PRAG1: variants seen among roughly 807,000 people sequenced by gnomAD.
The protein encoded by PRAG1 is inactive tyrosine-protein kinase PRAG1.
PRAG1 carries 110 observed loss-of-function variants against 95.6 expected under a neutral mutation model. That is an observed-to-expected ratio of 1.15 (90% CI 0.99 to 1.35). The LOEUF (loss-of-function observed/expected upper bound fraction) is 1.35. Ranked by LOEUF, PRAG1 falls within the 40% of genes most tolerant of loss-of-function variation. The pLI is 0.00. For synonymous variants in PRAG1, 1,052 were observed against 819.4 expected, an observed-to-expected ratio of 1.28 and a Z score of -4.85; for missense variants, 2,554 against 1,864.7, an observed-to-expected ratio of 1.37 and a Z score of -6.81.
intron 5 of PRAG1, among the ~76,000 whole-genome samples, 183 bp downstream of exon 5, chr8:8,327,527 G>C (rs577644761): frequency 1.3e-5 from 2 of 152,240 alleles, no homozygotes; most frequent in South Asian, 2.1e-4. Flanking sequence ...CCAAGATTGT[G>C]CCACTGCACT....
At chr8:8,336,091 A>G (rs1392409612) in intron 4 of PRAG1, among the ~76,000 whole-genome samples, 3 of 152,198 alleles carry the variant, frequency 2.0e-5, no homozygotes, top group Non-Finnish European at 4.4e-5. Context: ...TATTCATGCA[A>G]GTGAGAATAT....
At chr8:8,339,106 G>C (rs1215998598) in intron 4 of PRAG1, among the ~76,000 whole-genome samples, 1 of 152,136 alleles carries the variant, frequency 6.6e-6, no homozygotes, top group Non-Finnish European at 1.5e-5. Flanking sequence ...AAAAGAGAGA[G>C]AGAGAGAGAG....
In PRAG1 at chr8:8,318,865, C is replaced by G. The variant is rs369009941; in HGVS notation, c.3510G>C (p.Pro1170=). The change falls in exon 6 of 6, where the codon CCG becomes CCC. Residue 1170 remains proline, a synonymous_variant. Transcript: ENST00000615670. The surrounding 1 kb of genome is among the most constrained non-coding windows in gnomAD (Gnocchi z 4.2). ...GCGCGGCGGCGGCGGGGGCGGGAGC[C>G]GGGGCGGGGGCGGGGGCGGGCCCGG... ...AGPGPAPAPA[P]APAPAAAAPP... is the part of the protein sequence containing the mutation. The G allele has an allele frequency of 3.7e-5, 37 of 998,742 alleles. No individual in the cohort carries two copies. Among genetic ancestry groups the G allele is most frequent in the Non-Finnish European group, 4.7e-5 (37 of 780,794 alleles). The allele number at this position is 998,742 out of a possible 1,614,324, so 61.9% of individuals were successfully genotyped here.
At chr8:8,372,958 T>C (rs1800259673) in intron 3 of PRAG1, among the ~76,000 whole-genome samples, 1 of 152,170 alleles carries the variant, frequency 6.6e-6, no homozygotes, top group African/African-American at 2.4e-5. Flanking sequence ...AGCAAGTCCT[T>C]TTTCTAGAGG....
intron 1 of PRAG1, among the ~76,000 whole-genome samples, chr8:8,382,606 G>A (rs1049363006): frequency 6.6e-6 from 1 of 152,196 alleles, no homozygotes; most frequent in Admixed American, 6.5e-5. Context: ...AGAGATTAAC[G>A]AAGAGCTATT....
At chr8:8,342,872 A>AAAAT (rs1799218328) in intron 3 of PRAG1, among the ~76,000 whole-genome samples, 1 of 152,186 alleles carries the variant, frequency 6.6e-6, no homozygotes, top group Non-Finnish European at 1.5e-5. Context: ...TAAGGGCTAA[A>AAAAT]AAATAGCAAT....
intron 4 of PRAG1, among the ~76,000 whole-genome samples, chr8:8,336,823 A>C (rs888579676): frequency 2.6e-5 from 4 of 152,126 alleles, no homozygotes; most frequent in Admixed American, 1.3e-4. Context: ...CACCTGTTTT[A>C]AAAATGTAAC....
chr8:8,371,290 T>A (rs1416949074), intron 3 of PRAG1, among the ~76,000 whole-genome samples: 1 of 151,858 alleles, frequency 6.6e-6, no homozygotes, highest in African/African-American at 2.4e-5. Context: ...AGGTGGAGTC[T>A]CGCTCTGTCG....
At chr8:8,363,871 T>C (rs558790426) in intron 3 of PRAG1, among the ~76,000 whole-genome samples, 2 of 152,326 alleles carry the variant, frequency 1.3e-5, no homozygotes, top group East Asian at 1.9e-4. Context: ...TTCATTCTCT[T>C]AGTTATTTCA....
chr8:8,330,868 TA>T (rs896777646), intron 4 of PRAG1, among the ~76,000 whole-genome samples: 6 of 151,762 alleles, frequency 4.0e-5, no homozygotes, highest in African/African-American at 9.7e-5. Flanking sequence ...ACCTCCTGGA[TA>T]AAAAAAGGAG....
intron 3 of PRAG1, among the ~76,000 whole-genome samples, chr8:8,367,456 C>T (rs1409799792): frequency 5.2e-5 from 2 of 38,208 alleles, no homozygotes; most frequent in South Asian, 1.6e-3. Flanking sequence ...AAGACTCCAT[C>T]TCAAAAAAAA....
In PRAG1 at chr8:8,318,561, C is replaced by T. The variant is rs779317691; in HGVS notation, c.3814G>A (p.Glu1272Lys). The T allele has an allele frequency of 6.2e-7, 1 of 1,613,678 alleles. No individual in the cohort carries two copies. ...CTCTCCCGCAGCTGGGCGCGCACCT[C>T]GAACGGGTTGGGTTGGTGCAGCAGC... ...YELLHQPNPFEVRAQLRERDY... is the reference protein window; with the variant it reads ...YELLHQPNPFKVRAQLRERDY... Residue 1272 changes from glutamate to lysine, a missense_variant, in exon 6 of 6, where the codon GAG becomes AAG. Physicochemically the swap from Glu to Lys is moderately conservative, Grantham distance 56. Coordinates refer to ENST00000615670, the MANE Select transcript of PRAG1 (RefSeq NM_001080826.3). The surrounding 1 kb of genome is among the most constrained non-coding windows in gnomAD (Gnocchi z 4.2).
chr8:8,350,037 C>A (rs1237491705), intron 3 of PRAG1, among the ~76,000 whole-genome samples: 1 of 151,914 alleles, frequency 6.6e-6, no homozygotes, highest in African/African-American at 2.4e-5. Flanking sequence ...GATAAAAATT[C>A]TTAAATTGGT....
Position 8,332,703 on chromosome 8 carries a change from C to T in PRAG1, c.2321-4242G>A, listed in dbSNP as rs744328. On this transcript the variant is annotated intron_variant, in intron 4 of 5. Coordinates refer to ENST00000615670, the MANE Select transcript of PRAG1 (RefSeq NM_001080826.3). ...TCAGGTGTTAATACTCTTGGGGATACTTTGAAATAGATGCTAACATGCAGC... is the reference window on the plus strand; with the variant it reads ...TCAGGTGTTAATACTCTTGGGGATATTTTGAAATAGATGCTAACATGCAGC... Among the ~76,000 whole-genome samples the T allele has an allele frequency of 4.8e-3, 682 of 141,594 alleles. 7 individuals are homozygous for T. Among genetic ancestry groups the T allele is most frequent in the African/African-American group, 0.017 (632 of 38,156 alleles). The allele number at this position is 141,594 out of a possible 152,430, so 92.9% of individuals were successfully genotyped here. A position where few individuals can be genotyped will look rare whatever the true frequency, so the allele number is the denominator to read the frequency against.
At chr8:8,379,359 C>T (rs1015646601) in intron 2 of PRAG1, among the ~76,000 whole-genome samples, 2 of 152,302 alleles carry the variant, frequency 1.3e-5, no homozygotes, top group Admixed American at 1.3e-4. Context: ...CTAAAGTCCT[C>T]CTTTACCCCC....
At position 8,381,429 on chromosome 8, in the gene PRAG1, C is replaced by T. The variant is rs765662938; in HGVS notation, c.319G>A (p.Glu107Lys). 7 of 1,604,370 alleles carry T rather than the reference C, an allele frequency of 4.4e-6. No individual in the cohort carries two copies. Among genetic ancestry groups the T allele is most frequent in the Admixed American group, 1.7e-5 (1 of 59,754 alleles). ...TTAGTCAGCCTCACCTGCGAGACTT[C>T]GGCACTCAGGTTGGCCTCTGTCCAC... ...DVWTEANLSA[E>K]VSQVIWRRAP... The change falls in exon 2 of 6, where the codon GAA (glutamate) becomes AAA (lysine). Residue 107 changes from glutamate to lysine, a missense_variant. By Grantham distance (56) the Glu-to-Lys change is moderately conservative. Transcript: ENST00000615670.
rs1454369763 is a variant in PRAG1, at chr8:8,378,012, G to C, written c.397C>G (p.Leu133Val). ...TTCTGTACACCTCGGAAGCTGCCCA[G>C]GTAGACGACGGGGGCATCCTCCTGC... ...PKQEDAPVVYLGSFRGVQKPA... is the reference protein window; with the variant it reads ...PKQEDAPVVYVGSFRGVQKPA... The change falls in exon 3 of 6, where the codon CTG becomes GTG. Residue 133 changes from leucine (L) to valine (V), a missense_variant. By Grantham distance (32) the Leu-to-Val change is conservative. Transcript: ENST00000615670. 1.3e-6 allele frequency: 2 copies of C among 1,590,118 alleles called. No individual in the cohort carries two copies. The highest frequency in any genetic ancestry group is 2.7e-5 in the African/African-American group (2 of 74,488).
chr8:8,378,005 C>G lies in PRAG1; in HGVS notation c.404G>C (p.Ser135Thr). 6.3e-7 allele frequency: 1 copy of G among 1,597,904 alleles called. No individual in the cohort carries two copies. The highest frequency in any genetic ancestry group is 8.5e-7 in the Non-Finnish European group (1 of 1,171,136). Reference protein sequence around the residue: ...QEDAPVVYLGSFRGVQKPAGP... With the variant: ...QEDAPVVYLGTFRGVQKPAGP... ...AGCAGGCTTCTGTACACCTCGGAAG[C>G]TGCCCAGGTAGACGACGGGGGCATC... Residue 135 changes from serine (S) to threonine (T), a missense_variant, in exon 3 of 6, where the codon AGC becomes ACC. Transcript: ENST00000615670.
intron 3 of PRAG1, among the ~76,000 whole-genome samples, chr8:8,345,985 A>G (rs1008499634): frequency 6.6e-6 from 1 of 152,198 alleles, no homozygotes; most frequent in Non-Finnish European, 1.5e-5. Flanking sequence ...CTTACAATCA[A>G]GTTGTTTGGG....
Sources: allele counts gnomAD v4.1 joint callset (sites outside exome capture counted in the v4.1 genomes callset), GRCh38; gene constraint gnomAD v4.1.1; non-coding constraint Gnocchi (gnomAD v3.1); transcripts MANE v1.5; gene names NCBI Gene and HGNC (gene_info 2026-07-23, HGNC 2026-07-21).